FMN1: variants seen among roughly 807,000 people sequenced by gnomAD.
The protein encoded by FMN1 is formin-1.
Under a neutral mutation model 132.4 loss-of-function variants are expected in FMN1, and 110 were observed. The observed-to-expected ratio is 0.83, with a 90% confidence interval of 0.71 to 0.97. FMN1 has a LOEUF of 0.97. Among genes scored for constraint, FMN1 ranks in the 50% least tolerant of loss-of-function variants. The pLI, the probability that FMN1 is intolerant of heterozygous loss-of-function variation, is 0.00. For missense variants in FMN1, 1,792 were observed against 1,705.3 expected, an observed-to-expected ratio of 1.05 and a Z score of -0.90; for synonymous variants, 722 against 651.7, an observed-to-expected ratio of 1.11 and a Z score of -1.64.
intron 2 of FMN1, among the ~76,000 whole-genome samples, chr15:33,187,576 C>A (rs956845454): frequency 6.6e-6 from 1 of 152,198 alleles, no homozygotes; most frequent in Non-Finnish European, 1.5e-5. Flanking sequence ...CAAAAGAATT[C>A]TGTGGGTCAA....
At chr15:32,911,182 A>G (rs558982001) in intron 10 of FMN1, among the ~76,000 whole-genome samples, 2 of 152,350 alleles carry the variant, frequency 1.3e-5, no homozygotes, top group Non-Finnish European at 2.9e-5. Flanking sequence ...GCCGTTAACT[A>G]ATATGCTTAT....
chr15:32,859,273 T>A (rs746940224), intron 16 of FMN1, among the ~76,000 whole-genome samples: 1 of 152,228 alleles, frequency 6.6e-6, no homozygotes, highest in Non-Finnish European at 1.5e-5. Context: ...AAACTATTAA[T>A]GGGTTCTCAT....
chr15:32,898,648 T>C (rs2060217489), intron 15 of FMN1, among the ~76,000 whole-genome samples, 186 bp downstream of exon 15: 1 of 152,224 alleles, frequency 6.6e-6, no homozygotes, highest in South Asian at 2.1e-4. Context: ...CACCACTGAA[T>C]AATGCTTCTC....
At chr15:33,159,410 C>T (rs2140297457) in intron 3 of FMN1, among the ~76,000 whole-genome samples, 1 of 152,126 alleles carries the variant, frequency 6.6e-6, no homozygotes, top group South Asian at 2.1e-4. Flanking sequence ...AATAATCAAA[C>T]AAATATGTCC....
intron 6 of FMN1, among the ~76,000 whole-genome samples, chr15:33,037,047 T>A (rs1378959571): frequency 1.3e-5 from 2 of 152,256 alleles, no homozygotes; most frequent in African/African-American, 2.4e-5. Context: ...CCTTTATCAG[T>A]GATTCACATC....
intron 16 of FMN1, among the ~76,000 whole-genome samples, chr15:32,878,030 T>A (rs150907421): frequency 0.018 from 2,815 of 152,166 alleles, 74 homozygotes; most frequent in African/African-American, 0.065. Flanking sequence ...ATATGAAATA[T>A]GAATATGTGA....
chr15:33,061,462 CCATA>C (rs2037479518), intron 6 of FMN1, among the ~76,000 whole-genome samples: 1 of 151,644 alleles, frequency 6.6e-6, no homozygotes, highest in African/African-American at 2.4e-5. Flanking sequence ...TAAATAAATA[CCATA>C]CATTTAATTT....
chr15:33,048,644 A>AAACCAAAAAAAAACAAAAAC (rs1555388954), intron 6 of FMN1, among the ~76,000 whole-genome samples: 1 of 86,920 alleles, frequency 1.2e-5, no homozygotes, highest in Non-Finnish European at 2.4e-5. Flanking sequence ...AAAAAAAAAA[A>AAACCAAAAAAAAACAAAAAC]AAAAACCAAC....
intron 6 of FMN1, among the ~76,000 whole-genome samples, chr15:33,025,558 CT>C (rs2035625541): frequency 6.6e-6 from 1 of 152,032 alleles, no homozygotes; most frequent in African/African-American, 2.4e-5. Context: ...TTAAAAGAAA[CT>C]TTAAAAACCT....
chr15:33,067,188 C>T (rs1430646623), intron 5 of FMN1: 1 of 1,613,820 alleles, frequency 6.2e-7, no homozygotes, highest in South Asian at 1.1e-5. Flanking sequence ...CCCACCTGGT[C>T]CTGGCTGGGG....
chr15:33,095,985 T>C (rs1212759059), intron 4 of FMN1, among the ~76,000 whole-genome samples: 1 of 143,196 alleles, frequency 7.0e-6, no homozygotes, highest in Non-Finnish European at 1.5e-5. Flanking sequence ...GGAATATACG[T>C]AACAAGGTAA....
intron 5 of FMN1, among the ~76,000 whole-genome samples, chr15:33,073,288 T>A (rs1209806579): frequency 1.3e-5 from 2 of 152,204 alleles, no homozygotes; most frequent in African/African-American, 4.8e-5. Flanking sequence ...TTATTTCAAG[T>A]TCTGGGCCTG....
chr15:32,834,191 T>C (rs896505), intron 17 of FMN1, among the ~76,000 whole-genome samples: 55,236 of 152,002 alleles, frequency 0.36, 10,914 homozygotes, highest in East Asian at 0.83. Flanking sequence ...TCTGGTTCTT[T>C]GGAAAAAAAT....
At chr15:32,972,330 G>C (rs1284298483) in intron 7 of FMN1, among the ~76,000 whole-genome samples, 1 of 152,002 alleles carries the variant, frequency 6.6e-6, no homozygotes, top group East Asian at 1.9e-4. Flanking sequence ...AATTCCTTTA[G>C]CTATGGCACT....
intron 13 of FMN1, 105 bp from the exon 14 acceptor site, chr15:32,900,230 G>C: frequency 1.7e-6 from 2 of 1,206,502 alleles, no homozygotes; most frequent in Non-Finnish European, 2.4e-6. Flanking sequence ...CGGGAGGCTT[G>C]GTACCAACAG....
intron 5 of FMN1, among the ~76,000 whole-genome samples, chr15:33,066,093 T>C (rs2037711596): frequency 6.6e-6 from 1 of 152,150 alleles, no homozygotes; most frequent in Non-Finnish European, 1.5e-5. Context: ...CACAAACACA[T>C]ATTTTGTCAA....
intron 6 of FMN1, among the ~76,000 whole-genome samples, chr15:33,017,737 A>G (rs1442692659): frequency 6.6e-6 from 1 of 152,194 alleles, no homozygotes; most frequent in Admixed American, 6.5e-5. Flanking sequence ...CTAGTTTCTT[A>G]CCGCTATGGT....
chr15:33,069,794 A>G (rs923211665), intron 5 of FMN1, among the ~76,000 whole-genome samples: 8 of 152,158 alleles, frequency 5.3e-5, no homozygotes, highest in Non-Finnish European at 7.3e-5. Context: ...TCCTGATCAT[A>G]GTATTTTTGG....
chr15:32,887,638 T>C (rs184800156), intron 16 of FMN1, among the ~76,000 whole-genome samples: 2 of 152,332 alleles, frequency 1.3e-5, no homozygotes, highest in East Asian at 3.9e-4. Context: ...ATGATATACA[T>C]ATATATTTAA....
Sources: allele counts gnomAD v4.1 joint callset (sites outside exome capture counted in the v4.1 genomes callset), GRCh38; gene constraint gnomAD v4.1.1; transcripts MANE v1.5; gene names NCBI Gene and HGNC (gene_info 2026-07-23, HGNC 2026-07-21).